Variants in SMURF1 observed in about 807,000 individuals in gnomAD.
SMURF1 encodes E3 ubiquitin-protein ligase SMURF1.
A neutral mutation model predicts 98.0 loss-of-function variants in SMURF1; 44 were observed. The ratio of observed to expected loss-of-function variants is 0.45; its 90% CI spans 0.35 to 0.58. The LOEUF (loss-of-function observed/expected upper bound fraction) is 0.58. Among genes scored for constraint, SMURF1 ranks in the 20% least tolerant of loss-of-function variants. The probability of loss-of-function intolerance (pLI) is 0.00; values close to 1 mark genes in which losing one functional copy is unlikely to be tolerated. For missense variants in SMURF1, 687 were observed against 938.4 expected, an observed-to-expected ratio of 0.73 and a Z score of 3.50; for synonymous variants, 396 against 374.9, an observed-to-expected ratio of 1.06 and a Z score of -0.65.
chr7:99,093,972 T>C (rs190637251), intron 1 of SMURF1, among the ~76,000 whole-genome samples: 25 of 152,262 alleles, frequency 1.6e-4, no homozygotes, highest in African/African-American at 5.8e-4. Context: ...AATAGCTCAG[T>C]TGAAATTTAC....
intron 13 of SMURF1, among the ~76,000 whole-genome samples, chr7:99,040,108 T>G (rs558487388): frequency 1.7e-4 from 26 of 152,128 alleles, no homozygotes; most frequent in Non-Finnish European, 3.1e-4. Flanking sequence ...AACTGAGTAC[T>G]TTTTGCTAGA....
rs557810777 is a variant in SMURF1 at position 99,044,598 on chromosome 7, T to C, written c.1256+1100A>G. On this transcript the variant is annotated intron_variant, in intron 11 of 17. Coordinates refer to ENST00000361368, the MANE Select transcript of SMURF1 (RefSeq NM_181349.3). ...AATGCTGAAGAGAAAGTTGTAAGTA[T>C]GAATATCCTGTTCTTATGCAAATGA... Among the ~76,000 whole-genome samples the C allele has an allele frequency of 5.3e-5, 8 of 152,310 alleles. No individual in the cohort carries two copies. The East Asian group carries it at 1.4e-3, about 26-fold the overall frequency.
chr7:99,045,560 A>G (rs900416316), intron 11 of SMURF1, 138 bp downstream of exon 11: 2 of 671,136 alleles, frequency 3.0e-6, no homozygotes, highest in East Asian at 2.8e-5. Context: ...AAGCCAGTGC[A>G]TGATGGCCCG....
intron 1 of SMURF1, among the ~76,000 whole-genome samples, chr7:99,099,447 C>T (rs545060069): frequency 6.6e-6 from 1 of 152,216 alleles, no homozygotes; most frequent in South Asian, 2.1e-4. Flanking sequence ...TAATTTCTTA[C>T]AGAGTGGTTT....
intron 1 of SMURF1, among the ~76,000 whole-genome samples, chr7:99,101,432 T>C (rs1422471113): frequency 6.6e-6 from 1 of 152,212 alleles, no homozygotes; most frequent in East Asian, 1.9e-4. Context: ...CTACTAATTT[T>C]AAAACTGAGC....
At chr7:99,050,808 T>C (rs534624417) in intron 8 of SMURF1, 1 of 827,872 alleles carries the variant, frequency 1.2e-6, no homozygotes. Flanking sequence ...GAACTAAATA[T>C]TACCAAAAAT....
chr7:99,056,257 T>G (rs1795873333), intron 5 of SMURF1, among the ~76,000 whole-genome samples: 1 of 152,106 alleles, frequency 6.6e-6, no homozygotes. Flanking sequence ...GGAGTGAGAA[T>G]CACTCCAGTG....
At chr7:99,061,697 G>T in intron 2 of SMURF1, 102 bp downstream of exon 2, 1 of 851,986 alleles carries the variant, frequency 1.2e-6, no homozygotes, top group Non-Finnish European at 1.8e-6. Flanking sequence ...TAAGTAAAGG[G>T]CAAAACTTTG....
intron 1 of SMURF1, among the ~76,000 whole-genome samples, chr7:99,083,663 A>G (rs1033535279): frequency 3.3e-5 from 5 of 152,264 alleles, no homozygotes; most frequent in Non-Finnish European, 7.3e-5. Flanking sequence ...TTAATACATT[A>G]TTAAAATCCA....
rs1794781278 is a variant in SMURF1 at position 99,028,666 on chromosome 7, G to C, written c.*1918C>G. ...AAAGTCTTTTAAACCATGAGACCCT[G>C]GTTTCCTTCCTAGTTACTGAAGATT... On this transcript the variant is annotated 3_prime_UTR_variant, in exon 18 of 18. Coordinates refer to ENST00000361368, the MANE Select transcript of SMURF1 (RefSeq NM_181349.3). 1 of 152,252 alleles carries C rather than the reference G, an allele frequency of 6.6e-6. No homozygotes were observed. The highest frequency in any genetic ancestry group is 2.1e-4 in the South Asian group (1 of 4,836). The allele number at this position is 152,252 out of a possible 1,614,324, so 9.4% of individuals were successfully genotyped here. A position where few individuals can be genotyped will look rare whatever the true frequency, so the allele number is the denominator to read the frequency against.
chr7:99,122,306 C>G (rs1471100205), intron 1 of SMURF1, among the ~76,000 whole-genome samples: 1 of 128,338 alleles, frequency 7.8e-6, no homozygotes, highest in Non-Finnish European at 1.6e-5. Context: ...CCAGCCTGGG[C>G]AATAGAGTGA....
At chr7:99,062,942 C>T (rs1796068255) in intron 1 of SMURF1, among the ~76,000 whole-genome samples, 1 of 151,840 alleles carries the variant, frequency 6.6e-6, no homozygotes, top group Non-Finnish European at 1.5e-5. Flanking sequence ...GTATCAATTA[C>T]TGTTAAGAGA....
intron 1 of SMURF1, among the ~76,000 whole-genome samples, chr7:99,096,055 T>C (rs915436056): frequency 1.3e-5 from 2 of 152,192 alleles, no homozygotes; most frequent in African/African-American, 4.8e-5. Context: ...GGGCAGCACC[T>C]TGAGGGTACA....
intron 1 of SMURF1, among the ~76,000 whole-genome samples, chr7:99,112,701 A>T (rs180904717): frequency 3.3e-5 from 5 of 152,230 alleles, no homozygotes; most frequent in African/African-American, 1.2e-4. Flanking sequence ...ATTTAAATCA[A>T]TGGTCCTAAA....
rs1798177173 is a variant in SMURF1, at chr7:99,143,264, C to T, written c.55+462G>A. On this transcript the variant is annotated intron_variant, in intron 1 of 17. Transcript: ENST00000361368. The stretch of plus-strand genomic sequence containing the variant: ...GGAGGTGAAAGGCAAGGGGGCGGGG[C>T]CTGGGGGGAGAAGCGAGGGGTCAGG... 3.2e-5 allele frequency among the ~76,000 whole-genome samples: 3 copies of T among 93,372 alleles called. No individual in the cohort carries two copies. The Admixed American group carries it at 3.7e-4, about 12-fold the overall frequency. 61.3% of individuals were successfully genotyped at this position (93,372 alleles called of 152,430 possible).
At chr7:99,068,904 A>C (rs1796258732) in intron 1 of SMURF1, among the ~76,000 whole-genome samples, 1 of 152,092 alleles carries the variant, frequency 6.6e-6, no homozygotes. Flanking sequence ...CAGGCCAGGC[A>C]TTTTGTCAGT....
chr7:99,064,922 G>A (rs917911841), intron 1 of SMURF1, among the ~76,000 whole-genome samples: 1 of 152,082 alleles, frequency 6.6e-6, no homozygotes, highest in African/African-American at 2.4e-5. Flanking sequence ...GCATTTGCCT[G>A]GCTAGTCTCA....
chr7:99,111,575 G>A (rs1339252692), intron 1 of SMURF1, among the ~76,000 whole-genome samples: 11 of 152,098 alleles, frequency 7.2e-5, no homozygotes, highest in Admixed American at 7.2e-4. Flanking sequence ...TGAATAACTG[G>A]CAAAAACTGC....
chr7:99,126,334 A>G (rs1323677232), intron 1 of SMURF1, among the ~76,000 whole-genome samples: 1 of 152,110 alleles, frequency 6.6e-6, no homozygotes, highest in African/African-American at 2.4e-5. Context: ...ATACTTTTCA[A>G]TAAGCATATA....
Sources: gnomAD v4.1 joint callset for allele counts (sites outside exome capture counted in the v4.1 genomes callset) on GRCh38, gnomAD v4.1.1 for gene constraint, MANE v1.5 for transcripts, NCBI Gene and HGNC (gene_info 2026-07-23, HGNC 2026-07-21) for gene names.